The following OASL variants were observed in gnomAD, a reference collection of about 807,000 sequenced individuals.
The protein encoded by OASL is 2'-5'-oligoadenylate synthase-like protein.
A neutral mutation model predicts 35.3 loss-of-function variants in OASL; 28 were observed. The observed-to-expected ratio is 0.79, with a 90% CI of 0.59 to 1.09. The LOEUF is 1.09. OASL is among the 50% of genes least tolerant of loss of function. The probability of loss-of-function intolerance (pLI) is 0.00; values close to 1 mark genes in which losing one functional copy is unlikely to be tolerated. For missense variants in OASL, 620 were observed against 635.2 expected, an observed-to-expected ratio of 0.98 and a Z score of 0.26; for synonymous variants, 252 against 254.6, an observed-to-expected ratio of 0.99 and a Z score of 0.10.
In OASL at chr12:121,020,946, CT is replaced by C; in HGVS notation, c.1159del (p.Arg387GlyfsTer27). 6.2e-7 allele frequency: 1 copy of C among 1,614,214 alleles called. No individual in the cohort carries two copies. The highest frequency in any genetic ancestry group is 1.1e-5 in the South Asian group (1 of 91,088). ...CAGACGCTGCAGGCCAGAGTAGCCC[CT>C]GGTCCTCCGGATTTTCTCTTTAACC... is the stretch of plus-strand genomic sequence containing the variant. On this transcript the variant is annotated frameshift_variant, in exon 6 of 6. Coordinates refer to ENST00000257570, the Ensembl canonical transcript of OASL. LOFTEE classifies it low-confidence loss of function (END_TRUNC).
At chr12:121,020,991 G>A (rs1319925462) in exon 6 of OASL, 1 of 1,613,728 alleles carries the variant, frequency 6.2e-7, no homozygotes, top group South Asian at 1.1e-5. Flanking sequence ...GGGCTCATAA[G>A]GGTTCACGAT....
chr12:121,039,066 C>T, exon 1 of OASL: 1 of 1,011,548 alleles, frequency 9.9e-7, no homozygotes, highest in Non-Finnish European at 1.5e-6. Context: ...AGCTCCTCCT[C>T]AGCTGCCCTC....
rs576035743 is a variant in OASL, at chr12:121,037,651, C to T, written c.198+1123G>A. ...AGCCGGGCGTGGTGGTGGGCGCTGT[C>T]GTCCCAGCTACTTGGGAGGCTGAGG... On this transcript the variant is annotated intron_variant, in intron 1 of 5. Coordinates refer to ENST00000257570, the Ensembl canonical transcript of OASL. Among the ~76,000 whole-genome samples, 51 of 151,788 alleles carry T rather than the reference C, an allele frequency of 3.4e-4. 1 individual carries two copies. The South Asian group carries it at 9.2e-3, about 27-fold the overall frequency.
rs202221662 is a variant in OASL, at chr12:121,033,732, G to A, written c.210C>T (p.Phe70=). Residue 70 remains phenylalanine (F), a synonymous_variant, in exon 2 of 6, where the codon TTC becomes TTT. Coordinates refer to ENST00000257570, the Ensembl canonical transcript of OASL. ...TGCTCCTGAGAACCGTGCCATTCCCGAAGGAGCCCACCTGCAGAACACAGA... is the reference window on the plus strand; with the variant it reads ...TGCTCCTGAGAACCGTGCCATTCCCAAAGGAGCCCACCTGCAGAACACAGA... The A allele has an allele frequency of 4.7e-4, 756 of 1,612,478 alleles. 7 individuals are homozygous for A. In the South Asian group the frequency reaches 7.2e-3, roughly 15 times the overall value.
chr12:121,027,539 T>A (rs765568392), intron 4 of OASL, 37 bp downstream of exon 4: 24 of 1,609,996 alleles, frequency 1.5e-5, no homozygotes, highest in Non-Finnish European at 1.9e-5. Context: ...CTCTCTTTTT[T>A]TCTGTAAGAT....
chr12:121,035,546 A>AG (rs1869921604), intron 1 of OASL, among the ~76,000 whole-genome samples: 1 of 152,062 alleles, frequency 6.6e-6, no homozygotes, highest in South Asian at 2.1e-4. Flanking sequence ...ACAACAAAAA[A>AG]AAACGCCTTC....
rs186740297 is a variant in OASL, at chr12:121,024,173, G to A, written c.900-36C>T. On this transcript the variant is annotated intron_variant, in intron 4 of 5. Transcript: ENST00000257570. ...GGAAAAGGGTGCCCAGGCTCATAAT[G>A]GTTTGAAGGCCTTCAAGCCAGAAAA... 3.7e-6 allele frequency: 6 copies of A among 1,600,394 alleles called. No individual in the cohort carries two copies. In the African/African-American group the frequency reaches 4.0e-5, roughly 11 times the overall value.
chr12:121,027,355 A>C (rs1869530247), intron 4 of OASL, among the ~76,000 whole-genome samples: 1 of 152,206 alleles, frequency 6.6e-6, no homozygotes, highest in South Asian at 2.1e-4. Flanking sequence ...AGGGTGGCTT[A>C]GGAAACAAGG....
chr12:121,033,546 G>T (rs1418557714), exon 2 of OASL: 2 of 1,614,142 alleles, frequency 1.2e-6, no homozygotes, highest in East Asian at 4.5e-5. Flanking sequence ...GAGCATCGGG[G>T]ACTCTCTGCT....
chr12:121,034,789 C>A (rs1366382657), intron 1 of OASL, among the ~76,000 whole-genome samples: 1 of 151,522 alleles, frequency 6.6e-6, no homozygotes, highest in African/African-American at 2.4e-5. Flanking sequence ...GTATGCCAAG[C>A]GTTTGGTGGG....
At chr12:121,026,851 T>TAA (rs576220572) in intron 4 of OASL, among the ~76,000 whole-genome samples, 8 of 136,872 alleles carry the variant, frequency 5.8e-5, no homozygotes, top group Non-Finnish European at 4.8e-5. Context: ...AACTCTGTCT[T>TAA]AAAAAAAAAA....
Position 121,033,600 on chromosome 12 carries a change from T to C in OASL, c.342A>G (p.Gln114=), listed in dbSNP as rs780781838. 7.8e-5 allele frequency: 126 copies of C among 1,614,058 alleles called. No homozygotes were observed. In the East Asian group the frequency reaches 2.5e-3, roughly 32 times the overall value. ...GCCCGAGGTCCAGCAGGTCCTGGCT[T>C]TGCCACATGGTTTTCCATATCAGCC... The change falls in exon 2 of 6, where the codon CAA becomes CAG. Residue 114 remains glutamine (Q), a synonymous_variant. Coordinates refer to ENST00000257570, the Ensembl canonical transcript of OASL.
chr12:121,029,945 C>T (rs1258611949), intron 3 of OASL, among the ~76,000 whole-genome samples: 1 of 152,144 alleles, frequency 6.6e-6, no homozygotes, highest in African/African-American at 2.4e-5. Flanking sequence ...CCCAGCTCAA[C>T]TTACTTCACC....
chr12:121,036,201 G>C (rs531616012), intron 1 of OASL, among the ~76,000 whole-genome samples: 19 of 152,248 alleles, frequency 1.2e-4, no homozygotes, highest in Admixed American at 3.3e-4. Context: ...GTAAGATCCA[G>C]GCAGAGAGAA....
exon 5 of OASL, chr12:121,024,002 G>A (rs1326262374): frequency 6.2e-7 from 1 of 1,613,998 alleles, no homozygotes; most frequent in African/African-American, 1.3e-5. Flanking sequence ...TCACGTTCCA[G>A]CTGGAGATGG....
chr12:121,033,464 G>C, exon 2 of OASL: 1 of 1,606,808 alleles, frequency 6.2e-7, no homozygotes, highest in South Asian at 1.1e-5. Flanking sequence ...CCCTTACCCA[G>C]GGCTCTGTAG....
At chr12:121,032,740 T>C (rs1370578265) in intron 2 of OASL, among the ~76,000 whole-genome samples, 1 of 152,134 alleles carries the variant, frequency 6.6e-6, no homozygotes, top group Non-Finnish European at 1.5e-5. Context: ...TCTGCTTCTA[T>C]AAAATGCAGT....
chr12:121,032,120 G>A, intron 2 of OASL, among the ~76,000 whole-genome samples: 1 of 152,138 alleles, frequency 6.6e-6, no homozygotes, highest in East Asian at 1.9e-4. Flanking sequence ...TTGAACCCTG[G>A]AGGTGGAGGT....
At chr12:121,032,853 G>A (rs1869790838) in intron 2 of OASL, among the ~76,000 whole-genome samples, 1 of 152,090 alleles carries the variant, frequency 6.6e-6, no homozygotes, top group Non-Finnish European at 1.5e-5. Flanking sequence ...CCCTTTCTGT[G>A]GTTACCCAGG....
Sources: allele counts gnomAD v4.1 joint callset (sites outside exome capture counted in the v4.1 genomes callset), GRCh38; gene constraint gnomAD v4.1.1; transcripts MANE v1.5; gene names NCBI Gene and HGNC (gene_info 2026-07-23, HGNC 2026-07-21).